MTFR1: variants seen among roughly 807,000 people sequenced by gnomAD.
MTFR1 encodes the protein mitochondrial fission regulator 1, also known as chondrocyte protein with a poly-proline region.
MTFR1 carries 28 observed loss-of-function variants against 38.8 expected under a neutral mutation model. The observed-to-expected ratio is 0.72, with a 90% CI of 0.53 to 0.99. MTFR1 has a LOEUF of 0.99. MTFR1 is among the 50% of genes least tolerant of loss of function. The pLI, the probability that MTFR1 is intolerant of heterozygous loss-of-function variation, is 0.00. For missense variants in MTFR1, 358 were observed against 395.5 expected, an observed-to-expected ratio of 0.91 and a Z score of 0.81; for synonymous variants, 145 against 137.0, an observed-to-expected ratio of 1.06 and a Z score of -0.41.
chr8:65,752,226 C>T (rs1375215943), intron 3 of MTFR1, among the ~76,000 whole-genome samples: 2 of 152,092 alleles, frequency 1.3e-5, no homozygotes, highest in Non-Finnish European at 2.9e-5. Flanking sequence ...ACTCTTATCT[C>T]TACTTTCATT....
intron 3 of MTFR1, among the ~76,000 whole-genome samples, chr8:65,730,168 C>CTTTTTTTTTTTTTTTTTTTTTTT (rs1563473710): frequency 6.3e-5 from 2 of 31,670 alleles, no homozygotes; most frequent in Non-Finnish European, 5.8e-5. Context: ...AGGTTGCGCA[C>CTTTTTTTTTTTTTTTTTTTTTTT]TTCTTTTTTT....
At chr8:65,714,675 A>G (rs912546162), downstream of MTFR1, 1 of 152,222 alleles carries the variant, frequency 6.6e-6, no homozygotes, top group African/African-American at 2.4e-5. Context: ...GGAGATACCG[A>G]TTGAGGGGAT....
At chr8:65,684,520 G>C (rs568215264) in intron 3 of MTFR1, among the ~76,000 whole-genome samples, 1 of 151,684 alleles carries the variant, frequency 6.6e-6, no homozygotes, top group South Asian at 2.1e-4. Context: ...CGAGTAGCTG[G>C]GATTACAGGC....
chr8:65,682,330 T>C, intron 2 of MTFR1, 23 bp from the exon 3 acceptor site: 1 of 1,330,498 alleles, frequency 7.5e-7, no homozygotes, highest in Non-Finnish European at 1.0e-6. Context: ...TAATTAAGCT[T>C]TCGGTTTTTC....
intron 3 of MTFR1, among the ~76,000 whole-genome samples, chr8:65,686,055 C>T (rs1345005427): frequency 3.9e-5 from 6 of 152,192 alleles, no homozygotes; most frequent in Non-Finnish European, 7.3e-5. Context: ...GTATAGTGAT[C>T]TTTGAACATC....
At chr8:65,724,968 CTATT>C (rs755610871) in intron 3 of MTFR1, 13 of 1,277,252 alleles carry the variant, frequency 1.0e-5, no homozygotes, top group South Asian at 4.6e-5. Flanking sequence ...TTTCAATTAA[CTATT>C]TATTGATTTT....
intron 3 of MTFR1, among the ~76,000 whole-genome samples, chr8:65,689,231 A>C (rs1438164061): frequency 1.3e-5 from 2 of 152,220 alleles, no homozygotes; most frequent in Non-Finnish European, 2.9e-5. Context: ...ATTTACTATT[A>C]TGCCCTTTGC....
At chr8:65,766,312 A>G (rs1808781054) in intron 3 of MTFR1, among the ~76,000 whole-genome samples, 1 of 152,214 alleles carries the variant, frequency 6.6e-6, no homozygotes, top group Non-Finnish European at 1.5e-5. Context: ...TAGGACTCAA[A>G]ATATCTTATT....
chr8:65,693,163 G>C lies in MTFR1; in HGVS notation c.166-481G>C, dbSNP rs568306549. Among the ~76,000 whole-genome samples the C allele has an allele frequency of 3.9e-5, 6 of 152,216 alleles. No homozygotes were observed. In the East Asian group the frequency reaches 7.7e-4, roughly 20 times the overall value. On this transcript the variant is annotated intron_variant, in intron 3 of 7. Coordinates refer to ENST00000262146, the MANE Select transcript of MTFR1 (RefSeq NM_014637.4). ...CACGTCTGTAATCCCAGCACTTTGG[G>C]AGGCTGAGGCAGGCCGATCACAAGG...
At chr8:65,688,616 T>C (rs1805174373) in intron 3 of MTFR1, among the ~76,000 whole-genome samples, 2 of 149,762 alleles carry the variant, frequency 1.3e-5, no homozygotes. Flanking sequence ...GCCCAGCTAA[T>C]TGTATTTTTA....
intron 3 of MTFR1, 78 bp downstream of exon 3, chr8:65,682,529 C>G: frequency 1.2e-6 from 1 of 840,926 alleles, no homozygotes; most frequent in Non-Finnish European, 1.6e-6. Flanking sequence ...GTTTTAAAAG[C>G]ATTTTGTTTT....
At chr8:65,712,035 A>G (rs555315862), downstream of MTFR1, among the ~76,000 whole-genome samples, 10 of 152,244 alleles carry the variant, frequency 6.6e-5, no homozygotes, top group Non-Finnish European at 1.5e-4. Context: ...GAGAAAGGCC[A>G]GACTCTTCAT....
intron 1 of MTFR1, among the ~76,000 whole-genome samples, chr8:65,658,544 G>C (rs1809327837): frequency 6.6e-6 from 1 of 152,102 alleles, no homozygotes; most frequent in Non-Finnish European, 1.5e-5. Flanking sequence ...GAGTAGAGTA[G>C]ATAGTCTAGA....
At chr8:65,753,780 T>C (rs1585874275) in intron 3 of MTFR1, among the ~76,000 whole-genome samples, 1 of 152,216 alleles carries the variant, frequency 6.6e-6, no homozygotes, top group Non-Finnish European at 1.5e-5. Context: ...TTTTGCTTCA[T>C]ATATTGTGGA....
Position 65,693,625 on chromosome 8 carries a change from C to T in MTFR1, c.166-19C>T, listed in dbSNP as rs1646717390. ...GGTGCCATCTTTGGTGAAGAACTTT[C>T]CCTATTTATAACTTACAGATTAACA... On this transcript the variant is annotated intron_variant, in intron 3 of 7. Transcript: ENST00000262146. The T allele has an allele frequency of 1.2e-6, 2 of 1,603,102 alleles. No individual in the cohort carries two copies. Among genetic ancestry groups the T allele is most frequent in the Non-Finnish European group, 1.7e-6 (2 of 1,170,848 alleles).
chr8:65,669,163 C>T (rs1335059514), intron 1 of MTFR1, among the ~76,000 whole-genome samples: 2 of 152,158 alleles, frequency 1.3e-5, no homozygotes, highest in East Asian at 1.9e-4. Context: ...CCTTTTGCTA[C>T]GACACGTGAG....
chr8:65,750,411 A>C (rs1442971514), intron 3 of MTFR1, among the ~76,000 whole-genome samples: 1 of 151,608 alleles, frequency 6.6e-6, no homozygotes, highest in Non-Finnish European at 1.5e-5. Context: ...TATTACTGGC[A>C]ATTAGGATTG....
At chr8:65,666,810 G>A (rs1804393748) in intron 1 of MTFR1, among the ~76,000 whole-genome samples, 1 of 152,050 alleles carries the variant, frequency 6.6e-6, no homozygotes, top group South Asian at 2.1e-4. Context: ...AAATAAAGGA[G>A]ACTAAAAGCA....
chr8:65,764,007 A>G (rs1242719125), intron 3 of MTFR1, among the ~76,000 whole-genome samples: 3 of 152,244 alleles, frequency 2.0e-5, no homozygotes, highest in Non-Finnish European at 4.4e-5. Context: ...TCTTAAATGT[A>G]GGCACTTATG....
Sources: gnomAD v4.1 joint callset for allele counts (sites outside exome capture counted in the v4.1 genomes callset) on GRCh38, gnomAD v4.1.1 for gene constraint, MANE v1.5 for transcripts, NCBI Gene and HGNC (gene_info 2026-07-23, HGNC 2026-07-21) for gene names.